DACH2: variants seen among roughly 807,000 people sequenced by gnomAD.
The protein encoded by DACH2 is dachshund family transcription factor 2, also known as dachshund homolog 2.
A neutral mutation model predicts 35.8 loss-of-function variants in DACH2; 17 were observed. That is an observed-to-expected ratio of 0.48 (90% CI 0.33 to 0.71). The LOEUF (loss-of-function observed/expected upper bound fraction) is 0.71, where lower values mean the gene tolerates loss of function less well. DACH2 is among the 30% of genes least tolerant of loss of function. The pLI is 0.02. For synonymous variants in DACH2, 195 were observed against 177.3 expected (o/e 1.10, Z -0.79); for missense variants, 469 against 472.7 (o/e 0.99, Z 0.07).
intron 3 of DACH2, among the ~76,000 whole-genome samples, chrX:86,624,149 C>A (rs764909635): frequency 8.4e-4 from 89 of 106,549 alleles, no homozygotes; most frequent in African/African-American, 2.7e-3. Flanking sequence ...CAATGTATAA[C>A]TCTGAAGTAA....
intron 3 of DACH2, among the ~76,000 whole-genome samples, chrX:86,634,369 C>A (rs2040238194): frequency 9.0e-6 from 1 of 111,261 alleles, no homozygotes; most frequent in Non-Finnish European, 1.9e-5. Flanking sequence ...AAGATGAAAG[C>A]AATCCTCCTA....
intron 4 of DACH2, among the ~76,000 whole-genome samples, chrX:86,658,441 A>G (rs1464222889): frequency 9.0e-6 from 1 of 111,684 alleles, no homozygotes; most frequent in Non-Finnish European, 1.9e-5. Flanking sequence ...TTCTTATGCA[A>G]GAACCGAATT....
intron 1 of DACH2, among the ~76,000 whole-genome samples, chrX:86,149,634 T>C (rs1450635706): frequency 9.0e-6 from 1 of 111,365 alleles, no homozygotes; most frequent in Non-Finnish European, 1.9e-5. Context: ...TCCCGTGTGT[T>C]TGTTGTGAGA....
chrX:86,185,099 C>T (rs1052030688), intron 1 of DACH2, among the ~76,000 whole-genome samples: 6 of 111,440 alleles, frequency 5.4e-5, no homozygotes, highest in Admixed American at 1.9e-4. Flanking sequence ...TACTGTTGAA[C>T]TTTTAATATA....
At chrX:86,741,258 T>G (rs1038282033) in intron 7 of DACH2, among the ~76,000 whole-genome samples, 2 of 111,409 alleles carry the variant, frequency 1.8e-5, no homozygotes, top group African/African-American at 3.3e-5. Context: ...TTAGTCCAAA[T>G]CTCACTTAGC....
chrX:86,380,713 G>A (rs1189594063), intron 2 of DACH2, among the ~76,000 whole-genome samples: 2 of 110,042 alleles, frequency 1.8e-5, no homozygotes, highest in Non-Finnish European at 3.8e-5. Context: ...CTCCACAAAT[G>A]AAAGATGACC....
At position 86,695,052 on chromosome X, in the gene DACH2, G is replaced by A; in HGVS notation, c.804G>A (p.Lys268=). 8.9e-7 allele frequency: 1 copy of A among 1,127,747 alleles called. No individual in the cohort carries two copies. 92.9% of individuals were successfully genotyped at this position (1,127,747 alleles called of 1,213,427 possible). The change falls in exon 5 of 12, where the codon AAG becomes AAA. Residue 268 remains lysine, a synonymous_variant. Coordinates refer to ENST00000373125, the MANE Select transcript of DACH2 (RefSeq NM_053281.3). ...GTGAATCCTCCTGGGATAAAGATAA[G>A]ATGCAGTCTCCATTTGCTGCACCTG... is the stretch of plus-strand genomic sequence containing the variant. ...GGSESSWDKD[K]MQSPFAAPGP... is the part of the protein sequence containing the mutation.
At position 86,148,821 on chromosome X, in the gene DACH2, G is replaced by C. The variant is rs1200405762; in HGVS notation, c.201G>C (p.Glu67Asp). 27 of 1,209,616 alleles carry C rather than the reference G, an allele frequency of 2.2e-5. No homozygotes were observed. Among genetic ancestry groups the C allele is most frequent in the Non-Finnish European group, 3.0e-5 (27 of 895,228 alleles). ...GGGRGNTNTN[E>D]CRMVDMHGMK... ...GCAGGGGCAACACCAACACCAACGA[G>C]TGCCGCATGGTCGACATGCACGGGA... The change falls in exon 1 of 12, where the codon GAG becomes GAC. Residue 67 changes from glutamate (E) to aspartate (D), a missense_variant. By Grantham distance (45) the Glu-to-Asp change is conservative (BLOSUM62 2). Transcript: ENST00000373125.
chrX:86,618,578 A>G (rs753338883), intron 3 of DACH2, among the ~76,000 whole-genome samples: 1 of 112,207 alleles, frequency 8.9e-6, no homozygotes, highest in East Asian at 2.8e-4. Flanking sequence ...ATGTACAAAT[A>G]TGTTTTACAT....
intron 4 of DACH2, among the ~76,000 whole-genome samples, chrX:86,662,898 T>G (rs990765252): frequency 9.0e-6 from 1 of 111,644 alleles, no homozygotes; most frequent in Non-Finnish European, 1.9e-5. Context: ...AGATTTATAT[T>G]TATGCGCTAT....
chrX:86,253,619 G>A (rs2033445533), intron 1 of DACH2, among the ~76,000 whole-genome samples: 1 of 111,704 alleles, frequency 9.0e-6, no homozygotes, highest in South Asian at 3.7e-4. Flanking sequence ...ATGTCTTCAG[G>A]TCAGAAATTC....
chrX:86,495,622 C>A (rs2038158567), intron 2 of DACH2, among the ~76,000 whole-genome samples: 2 of 109,532 alleles, frequency 1.8e-5, no homozygotes, highest in Non-Finnish European at 3.8e-5. Flanking sequence ...CCAGCCTGGG[C>A]AACATAGTGA....
In DACH2 at chrX:86,669,533, G is replaced by T. The variant is rs150298126; in HGVS notation, c.772+18366G>T. Among the ~76,000 whole-genome samples, 32 of 111,472 alleles carry T rather than the reference G, an allele frequency of 2.9e-4. 1 individual carries two copies. In the East Asian group the frequency reaches 7.3e-3, roughly 25 times the overall value. ...ATGAAAATTCTATAAGGCAAGTAGAGCGAGTAGTGTCATGATTTCTCTTCG... is the reference window on the plus strand; with the variant it reads ...ATGAAAATTCTATAAGGCAAGTAGATCGAGTAGTGTCATGATTTCTCTTCG... On this transcript the variant is annotated intron_variant, in intron 4 of 11. Coordinates refer to ENST00000373125, the MANE Select transcript of DACH2 (RefSeq NM_053281.3).
rs1356651973 is a variant in DACH2 at position 86,395,011 on chromosome X, A to G, written c.527+18149A>G. On this transcript the variant is annotated intron_variant, in intron 2 of 11. Transcript: ENST00000373125. ...CTACTCGGGCCAATCTTCTATTGCT[A>G]TCGATGTGTTTGGAACTGCCATTGG... Among the ~76,000 whole-genome samples the G allele has an allele frequency of 3.6e-5, 4 of 111,965 alleles. 1 individual carries two copies.
intron 1 of DACH2, among the ~76,000 whole-genome samples, chrX:86,227,618 G>T (rs2032853062): frequency 9.7e-6 from 1 of 103,015 alleles, no homozygotes; most frequent in Non-Finnish European, 1.9e-5. Context: ...AATGCTGATA[G>T]ATTCTTTTTT....
intron 1 of DACH2, among the ~76,000 whole-genome samples, chrX:86,364,855 G>T (rs990840057): frequency 2.7e-5 from 3 of 111,616 alleles, no homozygotes; most frequent in Non-Finnish European, 1.9e-5. Context: ...TGAAGTTTTA[G>T]ACTTAAGAGA....
At chrX:86,227,519 T>A (rs1301490221) in intron 1 of DACH2, among the ~76,000 whole-genome samples, 1 of 111,483 alleles carries the variant, frequency 9.0e-6, no homozygotes, top group Non-Finnish European at 1.9e-5. Context: ...ACCAAAAATA[T>A]TTGTCCCTTC....
chrX:86,440,213 G>T, intron 2 of DACH2, among the ~76,000 whole-genome samples: 1 of 111,108 alleles, frequency 9.0e-6, no homozygotes, highest in East Asian at 2.8e-4. Flanking sequence ...TCTGATAGAC[G>T]GGTGTTAGAG....
At chrX:86,530,281 T>C (rs1319945232) in intron 3 of DACH2, among the ~76,000 whole-genome samples, 1 of 111,921 alleles carries the variant, frequency 8.9e-6, no homozygotes, top group Non-Finnish European at 1.9e-5. Flanking sequence ...ATATAGATTT[T>C]CTGGTTTAAA....
Sources: allele counts gnomAD v4.1 joint callset (sites outside exome capture counted in the v4.1 genomes callset), GRCh38; gene constraint gnomAD v4.1.1; transcripts MANE v1.5; gene names NCBI Gene and HGNC (gene_info 2026-07-23, HGNC 2026-07-21).